NCAM2: variants seen among roughly 807,000 people sequenced by gnomAD.
NCAM2 encodes the protein N-CAM-2.
A neutral mutation model predicts 98.1 loss-of-function variants in NCAM2; 30 were observed. That is an observed-to-expected ratio of 0.31 (90% CI 0.23 to 0.41). NCAM2 has a LOEUF of 0.41. Ranked by LOEUF, NCAM2 falls within the 10% of genes least tolerant of loss-of-function variation. The pLI is 1.00. For missense variants in NCAM2, 867 were observed against 1,005.8 expected (o/e 0.86, Z 1.87); for synonymous variants, 368 against 342.4 (o/e 1.07, Z -0.83).
At chr21:21,251,329 C>G (rs1388913000) in intron 1 of NCAM2, among the ~76,000 whole-genome samples, 1 of 151,670 alleles carries the variant, frequency 6.6e-6, no homozygotes, top group Non-Finnish European at 1.5e-5. Context: ...CCTTGCCCCC[C>G]ACCCCCTGTG....
intron 1 of NCAM2, among the ~76,000 whole-genome samples, chr21:21,117,553 G>A (rs2066589198): frequency 6.6e-6 from 1 of 152,078 alleles, no homozygotes; most frequent in Admixed American, 6.6e-5. Context: ...GCAATGAAAT[G>A]TAACAGCAAT....
intron 1 of NCAM2, among the ~76,000 whole-genome samples, chr21:21,020,143 C>T (rs2064400163): frequency 6.6e-6 from 1 of 152,092 alleles, no homozygotes; most frequent in Admixed American, 6.6e-5. Flanking sequence ...TCAAGTAATT[C>T]TCCTGCCTCA....
chr21:21,501,457 A>G (rs1987627626), intron 15 of NCAM2, among the ~76,000 whole-genome samples: 2 of 152,008 alleles, frequency 1.3e-5, no homozygotes, highest in South Asian at 4.1e-4. Context: ...GGAATTTATA[A>G]TGCTCCCTAA....
chr21:21,291,145 G>A (rs903678984), intron 4 of NCAM2, among the ~76,000 whole-genome samples: 10 of 151,852 alleles, frequency 6.6e-5, no homozygotes, highest in African/African-American at 2.4e-4. Flanking sequence ...TAGAGGCGGG[G>A]TGTCTCTTAT....
At position 21,537,938 on chromosome 21, in the gene NCAM2, A is replaced by C; in HGVS notation, c.2495A>C (p.Glu832Ala). ...TCTAACGACATCATTCAATCAAAAG[A>C]AGACGACAGCAAAGCATAACAACAA... ...KVSNDIIQSK[E>A]DDSKA Residue 832 changes from glutamate (E) to alanine (A), a missense_variant, in exon 18 of 18, where the codon GAA becomes GCA. Around this residue, in one of 5 missense-constraint regions of NCAM2, gnomAD observed 125 missense variants for 116.1 expected, o/e 1.08. Coordinates refer to ENST00000400546, the MANE Select transcript of NCAM2 (RefSeq NM_004540.5). 6.4e-7 allele frequency: 1 copy of C among 1,558,454 alleles called. No homozygotes were observed. The highest frequency in any genetic ancestry group is 8.7e-7 in the Non-Finnish European group (1 of 1,146,778).
intron 15 of NCAM2, among the ~76,000 whole-genome samples, chr21:21,487,456 T>G (rs1281020136): frequency 1.3e-5 from 2 of 152,118 alleles, no homozygotes; most frequent in Non-Finnish European, 2.9e-5. Flanking sequence ...AATTTGAGCT[T>G]GTGTGTTGAG....
At chr21:21,167,952 T>C (rs188926915) in intron 1 of NCAM2, among the ~76,000 whole-genome samples, 94 of 152,146 alleles carry the variant, frequency 6.2e-4, no homozygotes, top group African/African-American at 2.2e-3. Flanking sequence ...TCCTAACTAA[T>C]TATATATGGT....
At chr21:21,081,968 T>A (rs1243960736) in intron 1 of NCAM2, among the ~76,000 whole-genome samples, 2 of 151,776 alleles carry the variant, frequency 1.3e-5, no homozygotes, top group African/African-American at 4.8e-5. Context: ...CCGGGCGCGG[T>A]GGCTCACGGC....
At chr21:21,089,082 G>A (rs2065962326) in intron 1 of NCAM2, among the ~76,000 whole-genome samples, 1 of 151,392 alleles carries the variant, frequency 6.6e-6, no homozygotes, top group Non-Finnish European at 1.5e-5. Context: ...ATTTTTTTTA[G>A]TTGTTTTTTG....
chr21:21,160,257 G>T (rs1462630495), intron 1 of NCAM2, among the ~76,000 whole-genome samples: 4 of 151,986 alleles, frequency 2.6e-5, no homozygotes, highest in African/African-American at 9.7e-5. Flanking sequence ...AGCATAAACA[G>T]TAGCTTACTT....
chr21:21,375,228 A>G (rs886709379), intron 9 of NCAM2, among the ~76,000 whole-genome samples: 1 of 151,530 alleles, frequency 6.6e-6, no homozygotes, highest in Admixed American at 6.6e-5. Context: ...AAACAAAAAA[A>G]AAAACACCCA....
intron 6 of NCAM2, among the ~76,000 whole-genome samples, chr21:21,325,825 T>C (rs2074496556): frequency 6.6e-6 from 1 of 152,120 alleles, no homozygotes; most frequent in Non-Finnish European, 1.5e-5. Flanking sequence ...GAGCAGGAAA[T>C]TGAACAACAA....
intron 1 of NCAM2, among the ~76,000 whole-genome samples, chr21:21,261,001 G>A (rs1413002503): frequency 6.6e-6 from 1 of 151,954 alleles, no homozygotes; most frequent in East Asian, 1.9e-4. Flanking sequence ...CCAAAAGATT[G>A]AAGTAAAGTT....
chr21:21,541,314 G>A lies in NCAM2; in HGVS notation c.*3357G>A, dbSNP rs1017364567. 2 of 151,470 alleles carry A rather than the reference G, an allele frequency of 1.3e-5. No individual in the cohort carries two copies. The highest frequency in any genetic ancestry group is 4.8e-5 in the African/African-American group (2 of 41,366). 9.4% of individuals were successfully genotyped at this position (151,470 alleles called of 1,614,324 possible). On this transcript the variant is annotated 3_prime_UTR_variant, in exon 18 of 18. Transcript: ENST00000400546. ...CTTAGATTTGAGATACTCAAATGAT[G>A]CTGTCTTATTTACAGTCAGTAATTA...
Position 21,281,402 on chromosome 21 carries a change from C to A in NCAM2, c.130+750C>A, listed in dbSNP as rs535210188. Among the ~76,000 whole-genome samples, 21 of 152,066 alleles carry A rather than the reference C, an allele frequency of 1.4e-4. No homozygotes were observed. In the South Asian group the frequency reaches 4.4e-3, roughly 32 times the overall value. The stretch of plus-strand genomic sequence containing the variant: ...GAAAATATTAGGCCAAAAATTTATT[C>A]TAATATTCATTGAAGAAATAGTTAT... On this transcript the variant is annotated intron_variant, in intron 2 of 17. Transcript: ENST00000400546.
In NCAM2 at chr21:21,433,776, A is replaced by AAAATAAAATAAAATAAAAT. The variant is rs1569059263; in HGVS notation, c.1654+1499_1654+1517dup. The stretch of plus-strand genomic sequence containing the variant: ...AAAATAAAATAAAATAAAATAAAAT[A>AAAATAAAATAAAATAAAAT]AAATAAAATAAAATAAAATAAAAAT... On this transcript the variant is annotated intron_variant, in intron 12 of 17. Transcript: ENST00000400546. Among the ~76,000 whole-genome samples the AAAATAAAATAAAATAAAAT allele has an allele frequency of 4.7e-5, 7 of 149,514 alleles. No homozygotes were observed. The South Asian group carries it at 1.0e-3, about 22-fold the overall frequency.
At chr21:21,360,045 T>C (rs2147987942) in intron 8 of NCAM2, among the ~76,000 whole-genome samples, 1 of 152,110 alleles carries the variant, frequency 6.6e-6, no homozygotes, top group South Asian at 2.1e-4. Context: ...TGAAAATATC[T>C]GAGCAAACAT....
At chr21:21,217,329 A>G (rs1051250849) in intron 1 of NCAM2, among the ~76,000 whole-genome samples, 3 of 152,192 alleles carry the variant, frequency 2.0e-5, no homozygotes, top group African/African-American at 7.2e-5. Context: ...GTCCAAAAAC[A>G]AGAGCATGCA....
intron 1 of NCAM2, among the ~76,000 whole-genome samples, chr21:21,030,649 A>G (rs2064661319): frequency 6.6e-6 from 1 of 152,182 alleles, no homozygotes; most frequent in African/African-American, 2.4e-5. Context: ...TCTGCCTATC[A>G]CGATTATTAT....
Sources: gnomAD v4.1 joint callset for allele counts (sites outside exome capture counted in the v4.1 genomes callset) on GRCh38, gnomAD v4.1.1 for gene constraint, gnomAD v4.1.1 regional missense constraint, MANE v1.5 for transcripts, NCBI Gene and HGNC (gene_info 2026-07-23, HGNC 2026-07-21) for gene names.